Variants in ENOX2 observed in about 807,000 individuals in gnomAD.
ENOX2 encodes the protein APK1 antigen.
In ENOX2, 36 loss-of-function variants were observed where a neutral mutation model predicts 45.0. The ratio of observed to expected loss-of-function variants is 0.80; its 90% CI spans 0.61 to 1.06. ENOX2 has a LOEUF of 1.06. ENOX2 is among the 50% of genes least tolerant of loss of function. The pLI is 0.00. For missense variants in ENOX2, 423 were observed against 462.5 expected, an observed-to-expected ratio of 0.91 and a Z score of 0.78; for synonymous variants, 174 against 152.3, an observed-to-expected ratio of 1.14 and a Z score of -1.05.
At chrX:130,679,788 TGC>T in intron 5 of ENOX2, 40 bp from the exon 6 acceptor site, 1 of 1,047,844 alleles carries the variant, frequency 9.5e-7, no homozygotes, top group Non-Finnish European at 1.3e-6. Flanking sequence ...TTAAAATGTT[TGC>T]TTGGGACAGA....
chrX:130,859,266 A>T (rs1362339455), intron 2 of ENOX2, among the ~76,000 whole-genome samples: 1 of 112,252 alleles, frequency 8.9e-6, no homozygotes, highest in Non-Finnish European at 1.9e-5. Flanking sequence ...CGGGAGGCGG[A>T]GGTTGCAGCA....
At chrX:130,725,165 C>T (rs2038575788) in intron 3 of ENOX2, among the ~76,000 whole-genome samples, 1 of 110,985 alleles carries the variant, frequency 9.0e-6, no homozygotes, top group Admixed American at 9.6e-5. Flanking sequence ...GGGATATGAA[C>T]TTCTAATCAC....
intron 3 of ENOX2, among the ~76,000 whole-genome samples, chrX:130,748,852 C>G (rs923517789): frequency 4.5e-5 from 5 of 111,557 alleles, no homozygotes; most frequent in African/African-American, 1.6e-4. Context: ...GGAATGACCT[C>G]TATGAAGCAG....
intron 2 of ENOX2, among the ~76,000 whole-genome samples, chrX:130,897,338 G>A (rs1471969268): frequency 8.9e-6 from 1 of 112,101 alleles, no homozygotes; most frequent in Non-Finnish European, 1.9e-5. Context: ...TTATGCTGTG[G>A]TCACATATAA....
chrX:130,809,005 A>G (rs1002191438), intron 2 of ENOX2, among the ~76,000 whole-genome samples: 1 of 112,349 alleles, frequency 8.9e-6, no homozygotes, highest in Admixed American at 9.4e-5. Flanking sequence ...TTTTAATTAC[A>G]AAGTCTGGTC....
intron 10 of ENOX2, among the ~76,000 whole-genome samples, chrX:130,649,043 C>CAAAAAAAAAAAA (rs35154919): frequency 4.4e-4 from 3 of 6,792 alleles, no homozygotes; most frequent in African/African-American, 6.2e-4. Flanking sequence ...GACTCCATAT[C>CAAAAAAAAAAAA]AAAAAAAAAA....
intron 12 of ENOX2, 131 bp downstream of exon 12, chrX:130,634,853 G>A: frequency 2.3e-6 from 1 of 432,335 alleles, no homozygotes; most frequent in Non-Finnish European, 4.0e-6. Flanking sequence ...CCCGAGAGGG[G>A]CTTTTAATTC....
At chrX:130,676,373 C>T (rs1264746298) in intron 6 of ENOX2, among the ~76,000 whole-genome samples, 1 of 111,382 alleles carries the variant, frequency 9.0e-6, no homozygotes, top group Non-Finnish European at 1.9e-5. Flanking sequence ...AACAGCCACC[C>T]CATTCAGGAG....
At chrX:130,703,868 C>A (rs535866742) in intron 3 of ENOX2, among the ~76,000 whole-genome samples, 8 of 110,900 alleles carry the variant, frequency 7.2e-5, no homozygotes, top group Middle Eastern at 4.6e-3. Flanking sequence ...AAAGGTTGTA[C>A]AATAAAATTG....
intron 10 of ENOX2, among the ~76,000 whole-genome samples, chrX:130,642,075 A>C (rs2036104806): frequency 8.9e-6 from 1 of 112,366 alleles, no homozygotes; most frequent in Non-Finnish European, 1.9e-5. Context: ...TAGTTGCCAT[A>C]GATAGTGGTT....
At chrX:130,866,568 C>T (rs2078495137) in intron 2 of ENOX2, among the ~76,000 whole-genome samples, 1 of 111,831 alleles carries the variant, frequency 8.9e-6, no homozygotes, top group South Asian at 3.7e-4. Flanking sequence ...GCCACTAGAA[C>T]TCTGCTCATG....
intron 3 of ENOX2, among the ~76,000 whole-genome samples, chrX:130,732,078 A>G (rs1379456608): frequency 8.9e-6 from 1 of 112,240 alleles, no homozygotes; most frequent in Admixed American, 9.4e-5. Context: ...TCCACAGGAC[A>G]TGATTTTATA....
chrX:130,849,171 A>G (rs866946231), intron 2 of ENOX2, among the ~76,000 whole-genome samples: 2 of 112,773 alleles, frequency 1.8e-5, no homozygotes, highest in Admixed American at 9.4e-5. Context: ...ACAGTTATTT[A>G]TTTTCTTAAT....
At chrX:130,860,458 C>T (rs1448441413) in intron 2 of ENOX2, among the ~76,000 whole-genome samples, 2 of 111,598 alleles carry the variant, frequency 1.8e-5, no homozygotes, top group Non-Finnish European at 3.8e-5. Flanking sequence ...ACTTCGATGT[C>T]TAGTAAGCAT....
intron 3 of ENOX2, among the ~76,000 whole-genome samples, chrX:130,735,568 A>T (rs769724762): frequency 8.9e-6 from 1 of 112,352 alleles, no homozygotes; most frequent in South Asian, 3.7e-4. Context: ...AGAGAGGAGG[A>T]CTATAAGATT....
At chrX:130,749,532 G>C (rs1325594600) in intron 3 of ENOX2, among the ~76,000 whole-genome samples, 2 of 111,621 alleles carry the variant, frequency 1.8e-5, no homozygotes, top group African/African-American at 6.5e-5. Flanking sequence ...CAGGGGACAA[G>C]TGTTCTACCT....
intron 2 of ENOX2, among the ~76,000 whole-genome samples, chrX:130,829,482 A>C (rs1330157305): frequency 9.0e-6 from 1 of 111,686 alleles, no homozygotes; most frequent in Non-Finnish European, 1.9e-5. Flanking sequence ...TTTCTATGCC[A>C]CACTATCACC....
At chrX:130,677,188 G>A (rs1053272973) in intron 6 of ENOX2, among the ~76,000 whole-genome samples, 4 of 111,753 alleles carry the variant, frequency 3.6e-5, no homozygotes, top group African/African-American at 6.5e-5. Context: ...AAATATTCTC[G>A]TTCTCCCTCT....
intron 3 of ENOX2, among the ~76,000 whole-genome samples, chrX:130,716,259 T>C (rs184703004): frequency 2.9e-4 from 33 of 111,937 alleles, no homozygotes. Flanking sequence ...AAAAAAACAG[T>C]GGGATTAATT....
Sources: allele counts gnomAD v4.1 joint callset (sites outside exome capture counted in the v4.1 genomes callset), GRCh38; gene constraint gnomAD v4.1.1; transcripts MANE v1.5; gene names NCBI Gene and HGNC (gene_info 2026-07-23, HGNC 2026-07-21).